The following SH3GL3 variants were observed in gnomAD, a reference collection of about 807,000 sequenced individuals.
SH3GL3 encodes the protein endophilin-A3.
SH3GL3 carries 33 observed loss-of-function variants against 47.7 expected under a neutral mutation model. That is an observed-to-expected ratio of 0.69 (90% CI 0.52 to 0.92). The LOEUF is 0.92. Ranked by LOEUF, SH3GL3 falls within the 40% of genes least tolerant of loss-of-function variation. SH3GL3 has a pLI of 0.00. For missense variants in SH3GL3, 363 were observed against 417.8 expected (o/e 0.87, Z 1.14); for synonymous variants, 155 against 148.8 (o/e 1.04, Z -0.30).
At chr15:83,479,018 C>T (rs1451822266) in intron 1 of SH3GL3, among the ~76,000 whole-genome samples, 2 of 152,184 alleles carry the variant, frequency 1.3e-5, no homozygotes, top group Non-Finnish European at 2.9e-5. Context: ...AGCAGAACGC[C>T]TGCTTGGGTG....
intron 8 of SH3GL3, among the ~76,000 whole-genome samples, chr15:83,608,633 G>GCCTGGCTCCATGCT (rs1371697155): frequency 6.6e-5 from 10 of 152,298 alleles, no homozygotes; most frequent in Admixed American, 1.3e-4. Flanking sequence ...TGAGCACGGT[G>GCCTGGCTCCATGCT]CCTGGCTCCA....
At chr15:83,556,984 C>G (rs1381799096) in intron 1 of SH3GL3, among the ~76,000 whole-genome samples, 1 of 152,194 alleles carries the variant, frequency 6.6e-6, no homozygotes, top group East Asian at 1.9e-4. Flanking sequence ...CACAGCGGAC[C>G]TGACAGAGTG....
chr15:83,579,330 C>T (rs1451088496), intron 6 of SH3GL3, among the ~76,000 whole-genome samples: 7 of 152,140 alleles, frequency 4.6e-5, no homozygotes, highest in South Asian at 2.1e-4. Context: ...GTGGAGGTTT[C>T]CCCTGTTCAG....
At chr15:83,610,980 AATAT>A (rs10665431) in intron 8 of SH3GL3, among the ~76,000 whole-genome samples, 4 of 147,006 alleles carry the variant, frequency 2.7e-5, no homozygotes, top group Non-Finnish European at 6.0e-5. Context: ...TCAGCCAAAA[AATAT>A]ATATATATAT....
At chr15:83,456,895 G>T (rs1435978980) in intron 1 of SH3GL3, among the ~76,000 whole-genome samples, 2 of 152,134 alleles carry the variant, frequency 1.3e-5, no homozygotes, top group Non-Finnish European at 2.9e-5. Flanking sequence ...AGATTTTTTT[G>T]ATAGAGCTGT....
rs2039516937 is a variant in SH3GL3, at chr15:83,447,845, G to A, written c.45+267G>A. Among the ~76,000 whole-genome samples the A allele has an allele frequency of 6.6e-6, 1 of 152,104 alleles. No homozygotes were observed. Among genetic ancestry groups the A allele is most frequent in the Non-Finnish European group, 1.5e-5 (1 of 67,994 alleles). On this transcript the variant is annotated intron_variant, in intron 1 of 8. Coordinates refer to ENST00000427482, the MANE Select transcript of SH3GL3 (RefSeq NM_003027.5). The surrounding 1 kb of genome is among the most constrained non-coding windows in gnomAD (Gnocchi z 5.1). ...TTCTGCGGAGCGGAGGGCAGAGGTGGCGGCCGCGGGGACTCGGGAGGCGGA... is the reference window on the plus strand; with the variant it reads ...TTCTGCGGAGCGGAGGGCAGAGGTGACGGCCGCGGGGACTCGGGAGGCGGA...
chr15:83,627,746 C>T, the SH3GL3 span, among the ~76,000 whole-genome samples: 2 of 152,136 alleles, frequency 1.3e-5, no homozygotes, highest in Non-Finnish European at 2.9e-5. Flanking sequence ...TTTAGATAAA[C>T]AGAGAATGGT....
chr15:83,605,286 G>A (rs550526412), intron 8 of SH3GL3, among the ~76,000 whole-genome samples: 1 of 152,230 alleles, frequency 6.6e-6, no homozygotes, highest in South Asian at 2.1e-4. Flanking sequence ...CCCAGCATTG[G>A]GCTTCCTTGA....
intron 1 of SH3GL3, among the ~76,000 whole-genome samples, chr15:83,464,541 T>G (rs1370877585): frequency 6.6e-6 from 1 of 152,178 alleles, no homozygotes; most frequent in African/African-American, 2.4e-5. Flanking sequence ...AAATCTCAAA[T>G]TTAAGATGTT....
intron 1 of SH3GL3, among the ~76,000 whole-genome samples, chr15:83,516,027 C>T (rs2151639977): frequency 6.6e-6 from 1 of 150,996 alleles, no homozygotes; most frequent in Non-Finnish European, 1.5e-5. Context: ...AAATAAAAAA[C>T]AGACCAAGAT....
At chr15:83,557,618 T>C (rs898125469) in intron 1 of SH3GL3, among the ~76,000 whole-genome samples, 1 of 152,224 alleles carries the variant, frequency 6.6e-6, no homozygotes, top group Non-Finnish European at 1.5e-5. Flanking sequence ...GCTGGGTGGC[T>C]CTGATTCTGG....
chr15:83,521,418 C>A (rs532588470), intron 1 of SH3GL3, among the ~76,000 whole-genome samples: 19 of 152,202 alleles, frequency 1.2e-4, no homozygotes, highest in African/African-American at 4.6e-4. Flanking sequence ...AATCTAGGTG[C>A]TCAGAGAAGG....
chr15:83,499,816 A>G (rs2042224659), intron 1 of SH3GL3, among the ~76,000 whole-genome samples: 1 of 152,252 alleles, frequency 6.6e-6, no homozygotes, highest in Non-Finnish European at 1.5e-5. Flanking sequence ...AGGACCTTAG[A>G]ACAAACAAAT....
At chr15:83,550,425 C>G (rs1243676581) in intron 1 of SH3GL3, among the ~76,000 whole-genome samples, 1 of 152,138 alleles carries the variant, frequency 6.6e-6, no homozygotes, top group East Asian at 1.9e-4. Context: ...GAGTCTTGCT[C>G]TGTCACCCAG....
intron 8 of SH3GL3, among the ~76,000 whole-genome samples, chr15:83,591,686 A>T (rs1218457411): frequency 1.3e-5 from 2 of 151,584 alleles, no homozygotes; most frequent in African/African-American, 4.8e-5. Flanking sequence ...TTTTTATTTT[A>T]TTTATTTTTA....
intron 8 of SH3GL3, among the ~76,000 whole-genome samples, chr15:83,595,690 A>T (rs1159678935): frequency 6.6e-6 from 1 of 150,590 alleles, no homozygotes. Flanking sequence ...AAGGCAATTG[A>T]GGTTATCTGT....
the SH3GL3 span, among the ~76,000 whole-genome samples, chr15:83,626,982 C>T: frequency 6.6e-6 from 1 of 152,180 alleles, no homozygotes; most frequent in Non-Finnish European, 1.5e-5. Flanking sequence ...ATATCATGAC[C>T]TTTCCGTATC....
rs563560484 is a variant in SH3GL3, at chr15:83,545,773, C to T, written c.46-13480C>T. The stretch of plus-strand genomic sequence containing the variant: ...CTAAGCCCAGTAACTCTGAGTCTTG[C>T]AGTCTTGTATAGGTGCTGCCTCAGT... On this transcript the variant is annotated intron_variant, in intron 1 of 8. Coordinates refer to ENST00000427482, the MANE Select transcript of SH3GL3 (RefSeq NM_003027.5). 3.9e-5 allele frequency among the ~76,000 whole-genome samples: 6 copies of T among 152,316 alleles called. No homozygotes were observed. The East Asian group carries it at 7.7e-4, about 20-fold the overall frequency.
At position 83,609,552 on chromosome 15, in the gene SH3GL3, C is replaced by T. The variant is rs892237577; in HGVS notation, c.839-8530C>T. ...TTGTATGAATTACTTCTCTCTCCAT[C>T]CCCTTTGCCCCTTGAAATAACTATG... is the stretch of plus-strand genomic sequence containing the variant. On this transcript the variant is annotated intron_variant, in intron 8 of 8. Transcript: ENST00000427482. 3.1e-5 allele frequency: 9 copies of T among 294,108 alleles called. No individual in the cohort carries two copies. In the Admixed American group the frequency reaches 3.7e-4, roughly 12 times the overall value. 18.2% of individuals were successfully genotyped at this position (294,108 alleles called of 1,614,324 possible).
Sources: gnomAD v4.1 joint callset for allele counts (sites outside exome capture counted in the v4.1 genomes callset) on GRCh38, gnomAD v4.1.1 for gene constraint, Gnocchi (gnomAD v3.1) non-coding constraint, MANE v1.5 for transcripts, NCBI Gene and HGNC (gene_info 2026-07-23, HGNC 2026-07-21) for gene names.